Variants in TRPC4AP observed in about 807,000 individuals in gnomAD.
The protein encoded by TRPC4AP is transient receptor potential cation channel subfamily C member 4 associated protein.
In TRPC4AP, 45 loss-of-function variants were observed where a neutral mutation model predicts 99.0. The observed-to-expected ratio is 0.45, with a 90% confidence interval of 0.36 to 0.58. The LOEUF is 0.58. Ranked by LOEUF, TRPC4AP falls within the 20% of genes least tolerant of loss-of-function variation. The probability of loss-of-function intolerance (pLI) is 0.00; values close to 1 mark genes in which losing one functional copy is unlikely to be tolerated. For synonymous variants in TRPC4AP, 408 were observed against 385.8 expected (o/e 1.06, Z -0.67); for missense variants, 879 against 985.3 (o/e 0.89, Z 1.44).
Position 35,003,035 on chromosome 20 carries a change from C to G in TRPC4AP, c.*111G>C, listed in dbSNP as rs2147255929. 6.8e-7 allele frequency: 1 copy of G among 1,479,462 alleles called. No individual in the cohort carries two copies. The highest frequency in any genetic ancestry group is 2.3e-5 in the East Asian group (1 of 43,990). 91.6% of individuals were successfully genotyped at this position (1,479,462 alleles called of 1,614,324 possible). Reference sequence around the variant, plus strand: ...CTCCCACCAAGCCTGTACCCAAAGACCTGGGGCAGGCAGAGAGCAGCAGGG... The same window carrying G: ...CTCCCACCAAGCCTGTACCCAAAGAGCTGGGGCAGGCAGAGAGCAGCAGGG... On this transcript the variant is annotated 3_prime_UTR_variant, in exon 19 of 19. Coordinates refer to ENST00000252015, the MANE Select transcript of TRPC4AP (RefSeq NM_015638.3).
At chr20:35,018,348 C>T (rs771602019) in intron 9 of TRPC4AP, among the ~76,000 whole-genome samples, 45 of 152,300 alleles carry the variant, frequency 3.0e-4, no homozygotes, top group Non-Finnish European at 5.4e-4. Flanking sequence ...TTAATCCCAG[C>T]ACTTTGGGAG....
chr20:35,049,660 G>C (rs911417950), intron 6 of TRPC4AP, among the ~76,000 whole-genome samples: 2 of 152,124 alleles, frequency 1.3e-5, no homozygotes, highest in African/African-American at 4.8e-5. Context: ...GAATTAGTTT[G>C]ATTTCAATGT....
chr20:35,002,561 G>T lies in TRPC4AP; in HGVS notation c.*585C>A, dbSNP rs554597666. 5 of 205,992 alleles carry T rather than the reference G, an allele frequency of 2.4e-5. No individual in the cohort carries two copies. In the East Asian group the frequency reaches 5.6e-4, roughly 23 times the overall value. 12.8% of individuals were successfully genotyped at this position (205,992 alleles called of 1,614,324 possible). On this transcript the variant is annotated 3_prime_UTR_variant, in exon 19 of 19. Transcript: ENST00000252015. ...GGCACAGCTGCCCCGTGCCCCAAGG[G>T]ATGGAGGGAAAGGCCCCTCACTTCT...
chr20:35,034,504 T>C (rs2083273026), intron 8 of TRPC4AP, among the ~76,000 whole-genome samples: 1 of 151,908 alleles, frequency 6.6e-6, no homozygotes, highest in East Asian at 1.9e-4. Flanking sequence ...GAGAACTTAG[T>C]CTCTTCAATT....
chr20:35,040,342 T>TG (rs1260434026), intron 7 of TRPC4AP, among the ~76,000 whole-genome samples: 2 of 151,854 alleles, frequency 1.3e-5, no homozygotes, highest in African/African-American at 2.4e-5. Flanking sequence ...ATCCAATTGG[T>TG]GGGGGAGCAG....
At chr20:35,016,627 C>T in intron 9 of TRPC4AP, among the ~76,000 whole-genome samples, 1 of 150,996 alleles carries the variant, frequency 6.6e-6, no homozygotes, top group East Asian at 1.9e-4. Context: ...AAAATCTCTG[C>T]AAAGAAAAAA....
chr20:35,066,734 GATCA>G (rs1166227821), intron 3 of TRPC4AP, among the ~76,000 whole-genome samples: 5 of 152,080 alleles, frequency 3.3e-5, no homozygotes, highest in African/African-American at 7.2e-5. Flanking sequence ...GTAAAACACT[GATCA>G]ATCTGACAAT....
chr20:35,016,923 T>G (rs911929380), intron 9 of TRPC4AP, among the ~76,000 whole-genome samples: 1 of 152,200 alleles, frequency 6.6e-6, no homozygotes, highest in Non-Finnish European at 1.5e-5. Flanking sequence ...GACTTGGGCA[T>G]TGGGTACATT....
At chr20:35,044,772 CCT>C in intron 6 of TRPC4AP, 60 bp from the exon 7 acceptor site, 1 of 1,541,412 alleles carries the variant, frequency 6.5e-7, no homozygotes, top group South Asian at 1.1e-5. Context: ...ATTGGATGTG[CCT>C]CTCTTTCGCA....
chr20:35,088,822 A>C (rs1314069273), intron 1 of TRPC4AP, among the ~76,000 whole-genome samples: 1 of 152,200 alleles, frequency 6.6e-6, no homozygotes, highest in Non-Finnish European at 1.5e-5. Context: ...TGTTAAGTAA[A>C]ATAAGCCAGT....
chr20:35,064,812 C>T (rs1396330480), intron 3 of TRPC4AP, among the ~76,000 whole-genome samples: 1 of 152,190 alleles, frequency 6.6e-6, no homozygotes, highest in Non-Finnish European at 1.5e-5. Context: ...TCCCATATTA[C>T]TATAACTTTA....
At chr20:35,030,556 A>G (rs1433655668) in intron 8 of TRPC4AP, 1 of 152,224 alleles carries the variant, frequency 6.6e-6, no homozygotes, top group African/African-American at 2.4e-5. Context: ...TTTATGTTAG[A>G]GAAACTGAGA....
chr20:35,015,875 G>A (rs2049155637), intron 10 of TRPC4AP, 133 bp downstream of exon 10: 1 of 1,134,492 alleles, frequency 8.8e-7, no homozygotes, highest in East Asian at 2.6e-5. Flanking sequence ...CTTCCAATTA[G>A]GGGACTATAA....
chr20:35,034,390 T>C (rs886861366), intron 8 of TRPC4AP, among the ~76,000 whole-genome samples: 1 of 151,990 alleles, frequency 6.6e-6, no homozygotes, highest in Non-Finnish European at 1.5e-5. Flanking sequence ...ATCAGAGCCA[T>C]AGAATTCTTG....
At chr20:35,045,547 ATT>A (rs1042561514) in intron 6 of TRPC4AP, among the ~76,000 whole-genome samples, 1 of 147,830 alleles carries the variant, frequency 6.8e-6, no homozygotes, top group Non-Finnish European at 1.5e-5. Context: ...CTTTTTTAAT[ATT>A]TTTTTTTTTG....
chr20:35,086,549 G>GTATA (rs1569158129), intron 1 of TRPC4AP, among the ~76,000 whole-genome samples: 19,531 of 106,298 alleles, frequency 0.18, 5,084 homozygotes, highest in Admixed American at 0.3. Context: ...GTGTGTGTGT[G>GTATA]TGTGTGTGTG....
intron 3 of TRPC4AP, among the ~76,000 whole-genome samples, chr20:35,060,585 CAAAAAAAAAAAAAAAA>C (rs35143678): frequency 1.4e-5 from 1 of 70,386 alleles, no homozygotes; most frequent in East Asian, 4.3e-4. Context: ...ACCTTGTCTC[CAAAAAAAAAAAAAAAA>C]AAAAAAAAAC....
rs576940636 is a variant in TRPC4AP at position 35,032,311 on chromosome 20, C to T, written c.1051+2812G>A. 3.3e-5 allele frequency among the ~76,000 whole-genome samples: 5 copies of T among 152,178 alleles called. No homozygotes were observed. In the East Asian group the frequency reaches 9.7e-4, roughly 29 times the overall value. On this transcript the variant is annotated intron_variant, in intron 8 of 18. Coordinates refer to ENST00000252015, the MANE Select transcript of TRPC4AP (RefSeq NM_015638.3). Reference sequence around the variant, plus strand: ...AAGTGCTGGGATTACAGGTGTGAGCCACCACACCTGGCCTGATTATTATAC... The same window carrying T: ...AAGTGCTGGGATTACAGGTGTGAGCTACCACACCTGGCCTGATTATTATAC...
chr20:35,075,814 G>C (rs1316553472), intron 2 of TRPC4AP, among the ~76,000 whole-genome samples: 3 of 152,198 alleles, frequency 2.0e-5, no homozygotes, highest in Non-Finnish European at 4.4e-5. Context: ...TGCCTTGCTA[G>C]ATTGGGGAAG....
Sources: gnomAD v4.1 joint callset for allele counts (sites outside exome capture counted in the v4.1 genomes callset) on GRCh38, gnomAD v4.1.1 for gene constraint, MANE v1.5 for transcripts, NCBI Gene and HGNC (gene_info 2026-07-23, HGNC 2026-07-21) for gene names.